CCDC39: variants seen among roughly 807,000 people sequenced by gnomAD.
The protein encoded by CCDC39 is coiled-coil domain-containing protein 39.
In CCDC39, 113 loss-of-function variants were observed where a neutral mutation model predicts 121.0. The ratio of observed to expected loss-of-function variants is 0.93; its 90% CI spans 0.80 to 1.09. The LOEUF (loss-of-function observed/expected upper bound fraction) is 1.09. Among genes scored for constraint, CCDC39 ranks in the 50% least tolerant of loss-of-function variants. CCDC39 has a pLI of 0.00. For synonymous variants in CCDC39, 349 were observed against 352.2 expected (o/e 0.99, Z 0.10); for missense variants, 1,063 against 1,074.7 (o/e 0.99, Z 0.15).
At position 180,630,062 on chromosome 3, in the gene CCDC39, A is replaced by G. The variant is rs573642509; in HGVS notation, c.1998+1407T>C. 9.9e-5 allele frequency among the ~76,000 whole-genome samples: 15 copies of G among 152,246 alleles called. No individual in the cohort carries two copies. The East Asian group carries it at 2.7e-3, about 28-fold the overall frequency. ...TACCCTCTTCATTTTCCAAGTGAGGAAACTTAGGCCTCACATGGTTAAGTA... is the reference window on the plus strand; with the variant it reads ...TACCCTCTTCATTTTCCAAGTGAGGGAACTTAGGCCTCACATGGTTAAGTA... On this transcript the variant is annotated intron_variant, in intron 14 of 19. Transcript: ENST00000476379.
At chr3:180,632,649 A>G (rs1560084215) in intron 13 of CCDC39, among the ~76,000 whole-genome samples, 1 of 152,184 alleles carries the variant, frequency 6.6e-6, no homozygotes, top group Non-Finnish European at 1.5e-5. Flanking sequence ...AAAAACAGCA[A>G]CATAGCAGTT....
Position 180,658,982 on chromosome 3 carries a change from G to A in CCDC39, c.738+470C>T, listed in dbSNP as rs577887084. Among the ~76,000 whole-genome samples the A allele has an allele frequency of 3.3e-5, 5 of 152,196 alleles. No homozygotes were observed. The East Asian group carries it at 9.7e-4, about 29-fold the overall frequency. ...CTGTGTTATCAGTGCAGTATTCCCC[G>A]CTTCCAAGCCTCTTTGTCATTATTG... On this transcript the variant is annotated intron_variant, in intron 6 of 19. Transcript: ENST00000476379.
intron 13 of CCDC39, among the ~76,000 whole-genome samples, chr3:180,632,036 C>T (rs930856610): frequency 6.6e-6 from 1 of 151,514 alleles, no homozygotes; most frequent in Non-Finnish European, 1.5e-5. Flanking sequence ...CAAGAAGGGG[C>T]TCAAGTGGAT....
rs1382548370 is a variant in CCDC39 at position 180,614,984 on chromosome 3, A to T, written c.2763T>A (p.Pro921=). 1.9e-6 allele frequency: 3 copies of T among 1,565,760 alleles called. No individual in the cohort carries two copies. The Admixed American group carries it at 5.7e-5, about 30-fold the overall frequency. Residue 921 remains proline (P), a synonymous_variant, in exon 20 of 20, where the codon CCT becomes CCA. Coordinates refer to ENST00000476379, the MANE Select transcript of CCDC39 (RefSeq NM_181426.2). ...TACTACTAGCACTAGATGGCCTAGA[A>T]GGGCTGCCTACTAGTGAAGAGGAGG... ...FPASSSLVGS[P]SRPSSASSSS...
chr3:180,633,950 A>G (rs1052271216), intron 13 of CCDC39, among the ~76,000 whole-genome samples: 52 of 152,188 alleles, frequency 3.4e-4, no homozygotes, highest in Middle Eastern at 6.8e-3. Flanking sequence ...GAGGCACATG[A>G]TAGCCCCTCT....
At chr3:180,623,078 T>TTTATTA (rs60546376) in intron 14 of CCDC39, among the ~76,000 whole-genome samples, 2,831 of 144,954 alleles carry the variant, frequency 0.02, 28 homozygotes, top group African/African-American at 0.036. Flanking sequence ...TTTGGAGATT[T>TTTATTA]TTATTATTAT....
chr3:180,617,773 G>A lies in CCDC39; in HGVS notation c.2266-807C>T, dbSNP rs9863966. The A allele has an allele frequency of 3.4e-3, 1,088 of 324,264 alleles. 8 individuals are homozygous for A. The highest frequency in any genetic ancestry group is 0.02 in the African/African-American group (936 of 46,934). 20.1% of individuals were successfully genotyped at this position (324,264 alleles called of 1,614,324 possible). The stretch of plus-strand genomic sequence containing the variant: ...AATGTTTAAAGTTAAAAAGCTCTAG[G>A]AAGCTAAGGTCAATTTATTATTGGA... On this transcript the variant is annotated intron_variant, in intron 16 of 19. Transcript: ENST00000476379.
intron 9 of CCDC39, among the ~76,000 whole-genome samples, chr3:180,649,363 T>C (rs1352275096): frequency 1.3e-5 from 2 of 152,204 alleles, no homozygotes; most frequent in African/African-American, 4.8e-5. Context: ...TTGAAAATTA[T>C]CATTTTTAAA....
At chr3:180,626,951 A>G (rs1455317553) in intron 14 of CCDC39, among the ~76,000 whole-genome samples, 2 of 152,208 alleles carry the variant, frequency 1.3e-5, no homozygotes, top group African/African-American at 4.8e-5. Context: ...AATCCACTAC[A>G]TTGAAAAACA....
chr3:180,669,577 G>T (rs1208922858), intron 1 of CCDC39, among the ~76,000 whole-genome samples: 11 of 151,942 alleles, frequency 7.2e-5, no homozygotes, highest in Non-Finnish European at 1.5e-4. Flanking sequence ...CTCCAAGATT[G>T]CCCTGACTAC....
chr3:180,670,645 T>A (rs934990002), intron 1 of CCDC39, among the ~76,000 whole-genome samples: 1 of 151,522 alleles, frequency 6.6e-6, no homozygotes, highest in Non-Finnish European at 1.5e-5. Context: ...TTCTCTTTTT[T>A]TTTTTTTTTT....
At chr3:180,673,181 A>G (rs753614120) in intron 1 of CCDC39, among the ~76,000 whole-genome samples, 6 of 152,262 alleles carry the variant, frequency 3.9e-5, no homozygotes, top group Non-Finnish European at 8.8e-5. Context: ...CAAGGAATTT[A>G]GAATATTACA....
chr3:180,679,087 G>T lies in CCDC39; in HGVS notation c.90+204C>A, dbSNP rs576267108. On this transcript the variant is annotated intron_variant, in intron 1 of 19. Coordinates refer to ENST00000476379, the MANE Select transcript of CCDC39 (RefSeq NM_181426.2). The surrounding 1 kb of genome is among the most constrained non-coding windows in gnomAD (Gnocchi z 4.0). ...CTTTATAACCCTAAATGTCAATTAT[G>T]GTTTTAATAGCATTTTTAAATGCTT... Among the ~76,000 whole-genome samples the T allele has an allele frequency of 1.3e-5, 2 of 152,220 alleles. No individual in the cohort carries two copies. Among genetic ancestry groups the T allele is most frequent in the East Asian group, 3.9e-4 (2 of 5,166 alleles).
chr3:180,624,982 C>T (rs553019686), intron 14 of CCDC39, among the ~76,000 whole-genome samples: 1 of 152,110 alleles, frequency 6.6e-6, no homozygotes, highest in African/African-American at 2.4e-5. Flanking sequence ...TTTAGACATT[C>T]TGATTACAAT....
chr3:180,662,412 A>G (rs902324767), intron 2 of CCDC39, among the ~76,000 whole-genome samples: 8 of 152,150 alleles, frequency 5.3e-5, no homozygotes, highest in African/African-American at 1.9e-4. Context: ...ATTTTTAAAT[A>G]ATTATTTAAA....
chr3:180,642,650 T>C (rs1434027317), intron 12 of CCDC39, among the ~76,000 whole-genome samples: 3 of 151,938 alleles, frequency 2.0e-5, no homozygotes, highest in Non-Finnish European at 2.9e-5. Context: ...AAAAAAACAC[T>C]CCAGGATATA....
At chr3:180,658,753 A>T (rs1310310618) in intron 6 of CCDC39, among the ~76,000 whole-genome samples, 1 of 152,140 alleles carries the variant, frequency 6.6e-6, no homozygotes, top group South Asian at 2.1e-4. Context: ...CAGATACCAG[A>T]ATTTAAACTC....
chr3:180,630,581 T>A (rs1012621378), intron 14 of CCDC39, among the ~76,000 whole-genome samples: 1 of 152,184 alleles, frequency 6.6e-6, no homozygotes, highest in Non-Finnish European at 1.5e-5. Context: ...GAGTCAAAGT[T>A]ACAAGTTCCA....
rs749525425 is a variant in CCDC39 at position 180,663,925 on chromosome 3, C to T, written c.152G>A (p.Arg51Gln). The change falls in exon 2 of 20, where the codon CGA (arginine) becomes CAA (glutamine). Residue 51 changes from arginine to glutamine, a missense_variant. Transcript: ENST00000476379. ...GAAGTGAGAAGTCATAGAATTAATTCGCTCTTCATACTCACGTAACTCATC... is the reference window on the plus strand; with the variant it reads ...GAAGTGAGAAGTCATAGAATTAATTTGCTCTTCATACTCACGTAACTCATC... Reference protein sequence around the residue: ...LQDELREYEERINSMTSHFKN... With the variant: ...LQDELREYEEQINSMTSHFKN... 1.7e-5 allele frequency: 28 copies of T among 1,611,626 alleles called. No homozygotes were observed. In the Admixed American group the frequency reaches 4.0e-4, roughly 23 times the overall value.
Sources: gnomAD v4.1 joint callset for allele counts (sites outside exome capture counted in the v4.1 genomes callset) on GRCh38, gnomAD v4.1.1 for gene constraint, Gnocchi (gnomAD v3.1) non-coding constraint, MANE v1.5 for transcripts, NCBI Gene and HGNC (gene_info 2026-07-23, HGNC 2026-07-21) for gene names.